The following CKAP5 variants were observed in gnomAD, a reference collection of about 807,000 sequenced individuals.
The protein encoded by CKAP5 is cytoskeleton-associated protein 5.
In CKAP5, 27 loss-of-function variants were observed where a neutral mutation model predicts 232.8. That is an observed-to-expected ratio of 0.12 (90% CI 0.09 to 0.16). The LOEUF (loss-of-function observed/expected upper bound fraction) is 0.16. Among genes scored for constraint, CKAP5 ranks in the 10% least tolerant of loss-of-function variants. CKAP5 has a pLI of 1.00. For missense variants in CKAP5, 1,838 were observed against 2,424.7 expected, an observed-to-expected ratio of 0.76 and a Z score of 5.08; for synonymous variants, 785 against 841.1, an observed-to-expected ratio of 0.93 and a Z score of 1.16.
At position 46,765,115 on chromosome 11, in the gene CKAP5, C is replaced by T; in HGVS notation, c.3537+16G>A. 2 of 1,605,376 alleles carry T rather than the reference C, an allele frequency of 1.2e-6. No individual in the cohort carries two copies. Among genetic ancestry groups the T allele is most frequent in the Non-Finnish European group, 1.7e-6 (2 of 1,176,552 alleles). On this transcript the variant is annotated intron_variant, in intron 28 of 43. Transcript: ENST00000529230. Reference sequence around the variant, plus strand: ...TACAAGCAAAAATCTCCTGACGATTCTTAATCCTTCCTTACCTTCAATCCT... The same window carrying T: ...TACAAGCAAAAATCTCCTGACGATTTTTAATCCTTCCTTACCTTCAATCCT...
chr11:46,818,196 A>T (rs764851594), intron 3 of CKAP5, 114 bp downstream of exon 3: 6 of 745,058 alleles, frequency 8.1e-6, no homozygotes, highest in Non-Finnish European at 1.2e-5. Flanking sequence ...TACGAAAGTA[A>T]GAAAATTCAT....
At position 46,743,673 on chromosome 11, in the gene CKAP5, T is replaced by A; in HGVS notation, c.*350A>T. On this transcript the variant is annotated 3_prime_UTR_variant, in exon 44 of 44. Transcript: ENST00000529230. ...AACTGAAAGGAAAACTATTAAAGAG[T>A]TTCTAATATTAACTATTAAAAAGCT... The A allele has an allele frequency of 4.3e-6, 1 of 233,734 alleles. No homozygotes were observed. The highest frequency in any genetic ancestry group is 8.5e-6 in the Non-Finnish European group (1 of 118,330). The allele number at this position is 233,734 out of a possible 1,614,324, so 14.5% of individuals were successfully genotyped here. A position where few individuals can be genotyped will look rare whatever the true frequency, so the allele number is the denominator to read the frequency against.
intron 24 of CKAP5, among the ~76,000 whole-genome samples, chr11:46,772,426 T>C (rs886721228): frequency 2.6e-5 from 4 of 152,230 alleles, no homozygotes; most frequent in Non-Finnish European, 4.4e-5. Flanking sequence ...AAAAGTTCTA[T>C]AGTTTTATGT....
At chr11:46,752,193 T>TATATATATACACACACACAC (rs1408030107) in intron 38 of CKAP5, among the ~76,000 whole-genome samples, 3 of 66,554 alleles carry the variant, frequency 4.5e-5, no homozygotes, top group African/African-American at 1.0e-4. Flanking sequence ...TATATATATA[T>TATATATATACACACACACAC]ACACACACAC....
At position 46,753,495 on chromosome 11, in the gene CKAP5, C is replaced by G. The variant is rs758262399; in HGVS notation, c.4872G>C (p.Leu1624=). The change falls in exon 37 of 44, where the codon CTG becomes CTC. Residue 1624 remains leucine (L), a splice_region_variant and synonymous_variant. Coordinates refer to ENST00000529230, the MANE Select transcript of CKAP5 (RefSeq NM_001008938.4). ...YSCIIGNMIS[L]FQIESLAREA... ...CCCGGGCAAGGCTCTCTATCTGAAA[C>G]AGCTATCCAGACATACTTGTGTCAG... 6.2e-7 allele frequency: 1 copy of G among 1,607,622 alleles called. No individual in the cohort carries two copies. The highest frequency in any genetic ancestry group is 1.1e-5 in the South Asian group (1 of 90,522).
chr11:46,833,245 G>A (rs1939833439), intron 1 of CKAP5, among the ~76,000 whole-genome samples: 1 of 151,964 alleles, frequency 6.6e-6, no homozygotes, highest in African/African-American at 2.4e-5. Context: ...GCAAAAAGTA[G>A]GGACAACAGA....
At chr11:46,781,867 C>T (rs1273918400) in intron 18 of CKAP5, among the ~76,000 whole-genome samples, 7 of 151,940 alleles carry the variant, frequency 4.6e-5, no homozygotes, top group African/African-American at 9.7e-5. Context: ...TTCTTGTTGC[C>T]GAGGCTGGAG....
chr11:46,829,838 A>ATGTGTG (rs57602333), intron 1 of CKAP5, among the ~76,000 whole-genome samples: 128 of 143,126 alleles, frequency 8.9e-4, no homozygotes, highest in East Asian at 4.5e-3. Flanking sequence ...CCTTTTTTGT[A>ATGTGTG]TGTGTGTGTG....
At chr11:46,805,274 A>G (rs1312040368) in intron 8 of CKAP5, among the ~76,000 whole-genome samples, 1 of 152,118 alleles carries the variant, frequency 6.6e-6, no homozygotes, top group African/African-American at 2.4e-5. Flanking sequence ...GAAAAAAAAG[A>G]ACTATAATCT....
chr11:46,751,326 C>G lies in CKAP5; in HGVS notation c.5322+20G>C. ...TTTTCTCTCAAGCTCCCTCAGAGACCAGTTGCGATTCTTACTCACCTTGGG... is the reference window on the plus strand; with the variant it reads ...TTTTCTCTCAAGCTCCCTCAGAGACGAGTTGCGATTCTTACTCACCTTGGG... On this transcript the variant is annotated intron_variant, in intron 39 of 43. Coordinates refer to ENST00000529230, the MANE Select transcript of CKAP5 (RefSeq NM_001008938.4). The G allele has an allele frequency of 6.2e-7, 1 of 1,613,816 alleles. No homozygotes were observed. Among genetic ancestry groups the G allele is most frequent in the South Asian group, 1.1e-5 (1 of 91,068 alleles).
chr11:46,767,026 TCCTTTTTTTTTTTTTTCCTGAGTCTC>T (rs2065207595), intron 27 of CKAP5, among the ~76,000 whole-genome samples: 2 of 150,114 alleles, frequency 1.3e-5, no homozygotes, highest in South Asian at 2.1e-4. Flanking sequence ...AAATGCTTTC[TCCTTTTTTTTTTTTTTCCTGAGTCTC>T]GCTCTGTCAT....
intron 36 of CKAP5, among the ~76,000 whole-genome samples, chr11:46,754,001 T>G (rs936233203): frequency 1.3e-5 from 2 of 151,952 alleles, no homozygotes; most frequent in Non-Finnish European, 2.9e-5. Flanking sequence ...ATTGTGAAAT[T>G]TTTTGTTTTT....
chr11:46,777,787 A>C (rs2134618624), intron 22 of CKAP5, among the ~76,000 whole-genome samples: 1 of 152,366 alleles, frequency 6.6e-6, no homozygotes, highest in South Asian at 2.1e-4. Context: ...CAGAGATCAT[A>C]GTACTTTACA....
chr11:46,819,330 A>G (rs1373645169), intron 2 of CKAP5, among the ~76,000 whole-genome samples: 1 of 152,134 alleles, frequency 6.6e-6, no homozygotes, highest in African/African-American at 2.4e-5. Context: ...TCCCACTCCT[A>G]TAAAGAAAGA....
At position 46,762,034 on chromosome 11, in the gene CKAP5, A is replaced by G. The variant is rs747068219; in HGVS notation, c.4187T>C (p.Val1396Ala). The G allele has an allele frequency of 8.7e-6, 14 of 1,613,868 alleles. No homozygotes were observed. In the Admixed American group the frequency reaches 2.3e-4, roughly 27 times the overall value. ...ALNTIVTVYN[V>A]HGDQVFKLIG... ...CAGTTTGAACACCTGATCCCCATGT[A>G]CATTGTACACCGTTACAATGGTGTT... The change falls in exon 32 of 44, where the codon GTA becomes GCA. Residue 1396 changes from valine (V) to alanine (A), a missense_variant. Around this residue, in one of 6 missense-constraint regions of CKAP5, gnomAD observed 579 missense variants for 843.2 expected, o/e 0.69. Transcript: ENST00000529230.
chr11:46,842,116 C>T (rs1436871895), intron 1 of CKAP5, among the ~76,000 whole-genome samples: 1 of 151,968 alleles, frequency 6.6e-6, no homozygotes, highest in African/African-American at 2.4e-5. Context: ...CCAAGCTCAG[C>T]TTTCAGTGAA....
At chr11:46,791,834 G>C (rs1476334467) in intron 13 of CKAP5, among the ~76,000 whole-genome samples, 1 of 152,048 alleles carries the variant, frequency 6.6e-6, no homozygotes, top group East Asian at 1.9e-4. Flanking sequence ...ATTGTTCCTT[G>C]TACCTATTTT....
intron 1 of CKAP5, among the ~76,000 whole-genome samples, chr11:46,830,450 A>G (rs1454718211): frequency 6.6e-6 from 1 of 151,042 alleles, no homozygotes; most frequent in Non-Finnish European, 1.5e-5. Context: ...CAAAAAAAAA[A>G]AAAAAAAAAA....
chr11:46,837,181 A>G (rs1939937041), intron 1 of CKAP5, among the ~76,000 whole-genome samples: 1 of 152,198 alleles, frequency 6.6e-6, no homozygotes, highest in Non-Finnish European at 1.5e-5. Flanking sequence ...TATATAATGG[A>G]ACTGGACAAT....
Sources: gnomAD v4.1 joint callset for allele counts (sites outside exome capture counted in the v4.1 genomes callset) on GRCh38, gnomAD v4.1.1 for gene constraint, gnomAD v4.1.1 regional missense constraint, MANE v1.5 for transcripts, NCBI Gene and HGNC (gene_info 2026-07-23, HGNC 2026-07-21) for gene names.